The following TYW1 variants were observed in gnomAD, a reference collection of about 807,000 sequenced individuals.
TYW1 encodes tRNA-yW synthesizing protein 1 homolog, also known as S-adenosyl-L-methionine-dependent tRNA 4-demethylwyosine synthase TYW1.
A neutral mutation model predicts 96.2 loss-of-function variants in TYW1; 46 were observed. That is an observed-to-expected ratio of 0.48 (90% CI 0.38 to 0.61). TYW1 has a LOEUF of 0.61. Ranked by LOEUF, TYW1 falls within the 20% of genes least tolerant of loss-of-function variation. The pLI is 0.00. For missense variants in TYW1, 684 were observed against 909.6 expected, an observed-to-expected ratio of 0.75 and a Z score of 3.19; for synonymous variants, 274 against 323.0, an observed-to-expected ratio of 0.85 and a Z score of 1.63.
intron 8 of TYW1, among the ~76,000 whole-genome samples, chr7:67,055,143 A>C (rs1795467782): frequency 6.6e-6 from 1 of 152,196 alleles, no homozygotes; most frequent in Non-Finnish European, 1.5e-5. Flanking sequence ...TCCATGAAAG[A>C]ATGTAAATTC....
intron 15 of TYW1, among the ~76,000 whole-genome samples, chr7:67,234,887 C>G (rs574958565): frequency 1.3e-5 from 2 of 151,924 alleles, no homozygotes; most frequent in East Asian, 3.9e-4. Context: ...GTTGTATTCC[C>G]AGCTTGTGTG....
chr7:67,126,524 A>G (rs1797917874), intron 13 of TYW1, among the ~76,000 whole-genome samples: 1 of 151,552 alleles, frequency 6.6e-6, no homozygotes, highest in South Asian at 2.1e-4. Flanking sequence ...TTTGCTATCT[A>G]AAAAGCTATT....
intron 8 of TYW1, among the ~76,000 whole-genome samples, chr7:67,055,403 C>T (rs1795476424): frequency 6.6e-6 from 1 of 152,072 alleles, no homozygotes; most frequent in Admixed American, 6.6e-5. Flanking sequence ...TCGAGACCAG[C>T]CTGGCCAACA....
chr7:67,013,739 C>CTTTTTTTTTTT (rs931500833), intron 4 of TYW1, among the ~76,000 whole-genome samples: 2 of 97,516 alleles, frequency 2.1e-5, no homozygotes, highest in Non-Finnish European at 3.8e-5. Flanking sequence ...GCATTTTTTC[C>CTTTTTTTTTTT]TTTTTTTTTT....
chr7:67,168,206 G>A (rs775165161), intron 13 of TYW1, among the ~76,000 whole-genome samples: 3 of 151,322 alleles, frequency 2.0e-5, no homozygotes, highest in Non-Finnish European at 4.4e-5. Flanking sequence ...CTGCTAATAT[G>A]GTGAATTGCA....
chr7:67,075,627 G>C (rs891355022), intron 10 of TYW1, among the ~76,000 whole-genome samples: 10 of 152,174 alleles, frequency 6.6e-5, no homozygotes, highest in Non-Finnish European at 5.9e-5. Context: ...ATCACAACAG[G>C]CTGCATCTAT....
At chr7:67,146,735 A>T (rs1319928899) in intron 13 of TYW1, among the ~76,000 whole-genome samples, 1 of 152,256 alleles carries the variant, frequency 6.6e-6, no homozygotes, top group East Asian at 1.9e-4. Context: ...GATAGTGAGT[A>T]GGTTAATCAA....
chr7:67,019,933 C>T lies in TYW1; in HGVS notation c.861+1790C>T, dbSNP rs1794182987. Among the ~76,000 whole-genome samples the T allele has an allele frequency of 2.6e-5, 4 of 152,274 alleles. No individual in the cohort carries two copies. In the South Asian group the frequency reaches 6.2e-4, roughly 24 times the overall value. ...AGTCAGTCAGTCTGAGTCAAGCCCA[C>T]AGAGCAGATGGCTTCAAGAGATAAT... On this transcript the variant is annotated intron_variant, in intron 6 of 15. Coordinates refer to ENST00000359626, the MANE Select transcript of TYW1 (RefSeq NM_018264.4).
chr7:67,074,071 CAAA>C (rs756494903), intron 10 of TYW1, among the ~76,000 whole-genome samples: 6 of 83,840 alleles, frequency 7.2e-5, no homozygotes, highest in Middle Eastern at 6.0e-3. Context: ...TACTCCATCT[CAAA>C]AAAAAAAAAA....
At chr7:67,113,563 G>C (rs1797494524) in intron 12 of TYW1, among the ~76,000 whole-genome samples, 1 of 152,048 alleles carries the variant, frequency 6.6e-6, no homozygotes, top group African/African-American at 2.4e-5. Context: ...TAGGAGAAAG[G>C]CTCTGGAGTC....
chr7:67,040,172 A>G lies in TYW1; in HGVS notation c.985-9777A>G, dbSNP rs188243435. Among the ~76,000 whole-genome samples, 258 of 151,982 alleles carry G rather than the reference A, an allele frequency of 1.7e-3. 4 individuals carry two copies. Among genetic ancestry groups the G allele is most frequent in the African/African-American group, 5.8e-3 (240 of 41,456 alleles). ...GGGTTTTTACCGTGTTGGCCAGGGTAATTTTGAACTCCTGACCTCAAGTGA... is the reference window on the plus strand; with the variant it reads ...GGGTTTTTACCGTGTTGGCCAGGGTGATTTTGAACTCCTGACCTCAAGTGA... On this transcript the variant is annotated intron_variant, in intron 7 of 15. Transcript: ENST00000359626.
At chr7:67,187,671 C>A (rs1486457540) in intron 14 of TYW1, among the ~76,000 whole-genome samples, 1 of 152,154 alleles carries the variant, frequency 6.6e-6, no homozygotes, top group Non-Finnish European at 1.5e-5. Flanking sequence ...TATGCAATTC[C>A]ATTTTTTAAA....
chr7:67,187,665 C>T (rs1261927317), intron 14 of TYW1, among the ~76,000 whole-genome samples: 1 of 152,164 alleles, frequency 6.6e-6, no homozygotes, highest in Non-Finnish European at 1.5e-5. Flanking sequence ...ATTTATTATG[C>T]AATTCCATTT....
intron 15 of TYW1, among the ~76,000 whole-genome samples, chr7:67,230,531 G>A (rs1801719705): frequency 6.6e-6 from 1 of 151,590 alleles, no homozygotes; most frequent in Non-Finnish European, 1.5e-5. Flanking sequence ...CCCCTCTCAA[G>A]CAACAACCAC....
At chr7:67,231,305 C>T (rs1272059908) in intron 15 of TYW1, among the ~76,000 whole-genome samples, 1 of 152,148 alleles carries the variant, frequency 6.6e-6, no homozygotes, top group Non-Finnish European at 1.5e-5. Context: ...GAAGTCTCTG[C>T]AGGACACTTA....
chr7:67,022,305 G>A (rs1018285697), intron 6 of TYW1, among the ~76,000 whole-genome samples: 1 of 152,188 alleles, frequency 6.6e-6, no homozygotes, highest in Non-Finnish European at 1.5e-5. Flanking sequence ...TAGAGGGGCA[G>A]ATTTGCATAG....
intron 15 of TYW1, among the ~76,000 whole-genome samples, chr7:67,229,353 C>T (rs567924786): frequency 5.9e-5 from 9 of 151,844 alleles, no homozygotes; most frequent in East Asian, 1.9e-4. Flanking sequence ...GCCAGGCCAA[C>T]GTAGCGAAAC....
At chr7:67,100,356 T>C (rs146618377) in intron 12 of TYW1, among the ~76,000 whole-genome samples, 27 of 152,086 alleles carry the variant, frequency 1.8e-4, no homozygotes, top group African/African-American at 5.8e-4. Context: ...CCGTTATGTA[T>C]TGGTGTTTTC....
chr7:67,222,674 A>G (rs1801430194), intron 15 of TYW1, among the ~76,000 whole-genome samples: 1 of 151,928 alleles, frequency 6.6e-6, no homozygotes, highest in South Asian at 2.1e-4. Flanking sequence ...TTAGTTCATT[A>G]TCCTTGGAGT....
Sources: gnomAD v4.1 joint callset for allele counts (sites outside exome capture counted in the v4.1 genomes callset) on GRCh38, gnomAD v4.1.1 for gene constraint, MANE v1.5 for transcripts, NCBI Gene and HGNC (gene_info 2026-07-23, HGNC 2026-07-21) for gene names.